Variants in CCDC14 observed in about 807,000 individuals in gnomAD.
The protein encoded by CCDC14 is coiled-coil domain containing 14.
Under a neutral mutation model 81.4 loss-of-function variants are expected in CCDC14, and 71 were observed. The observed-to-expected ratio is 0.87, with a 90% CI of 0.72 to 1.06. CCDC14 has a LOEUF of 1.06. Ranked by LOEUF, CCDC14 falls within the 50% of genes least tolerant of loss-of-function variation. The pLI is 0.00. For synonymous variants in CCDC14, 332 were observed against 364.8 expected, an observed-to-expected ratio of 0.91 and a Z score of 1.03; for missense variants, 1,046 against 1,047.3, an observed-to-expected ratio of 1.00 and a Z score of 0.02.
At chr3:123,908,652 T>C (rs909334981), downstream of CCDC14, among the ~76,000 whole-genome samples, 1 of 152,168 alleles carries the variant, frequency 6.6e-6, no homozygotes, top group African/African-American at 2.4e-5. Flanking sequence ...CTGGGTATGT[T>C]AGGAGTTGAG....
At position 123,915,257 on chromosome 3, in the gene CCDC14, T is replaced by C; in HGVS notation, c.2240A>G (p.Lys747Arg). 1 of 1,613,946 alleles carries C rather than the reference T, an allele frequency of 6.2e-7. No individual in the cohort carries two copies. The highest frequency in any genetic ancestry group is 8.5e-7 in the Non-Finnish European group (1 of 1,179,888). ...STPEKKSPLS[K>R]RLSPQPQIRA... ...TATTTGTGGCTGAGGGGATAGTCTC[T>C]TAGAAAGTGGTGATTTCTTTTCAGG... The change falls in exon 13 of 13, where the codon AAG (lysine) becomes AGG (arginine). Residue 747 changes from lysine to arginine, a missense_variant. Transcript: ENST00000409697.
intron 5 of CCDC14, among the ~76,000 whole-genome samples, chr3:123,907,283 G>C (rs547587188): frequency 6.6e-6 from 1 of 152,232 alleles, no homozygotes; most frequent in East Asian, 1.9e-4. Flanking sequence ...TTAATATTTA[G>C]AGTTTTATGC....
the CCDC14 span, among the ~76,000 whole-genome samples, chr3:123,886,312 TTTG>T: frequency 6.6e-6 from 1 of 151,936 alleles, no homozygotes; most frequent in Non-Finnish European, 1.5e-5. Context: ...CTCTAGTTTT[TTTG>T]TTTTTTCTTT....
At position 123,931,404 on chromosome 3, in the gene CCDC14, C is replaced by T; in HGVS notation, c.1549G>A (p.Glu517Lys). The change falls in exon 11 of 13, where the codon GAA (glutamate) becomes AAA (lysine). Residue 517 changes from glutamate to lysine, a missense_variant. Transcript: ENST00000409697. ...LLKVIENQKD[E>K]NKKFSSIFKD... ...AATATACTACTAAATTTTTTGTTTT[C>T]ATCTTTCTGATTTTCAATCACTTTT... is the stretch of plus-strand genomic sequence containing the variant. 1.3e-6 allele frequency: 2 copies of T among 1,544,280 alleles called. No homozygotes were observed. Among genetic ancestry groups the T allele is most frequent in the South Asian group, 2.4e-5 (2 of 83,688 alleles).
At chr3:123,899,988 AAT>A (rs1253679874) in intron 5 of CCDC14, among the ~76,000 whole-genome samples, 12 of 152,192 alleles carry the variant, frequency 7.9e-5, no homozygotes, top group African/African-American at 2.9e-4. Context: ...TCTGTGCTCC[AAT>A]AACATGTGCC....
intron 12 of CCDC14, among the ~76,000 whole-genome samples, chr3:123,924,077 C>T (rs1057460230): frequency 6.6e-5 from 10 of 150,952 alleles, no homozygotes; most frequent in Non-Finnish European, 1.3e-4. Flanking sequence ...GAAATCAAAA[C>T]GGCATGAACT....
intron 12 of CCDC14, among the ~76,000 whole-genome samples, chr3:123,923,845 A>C (rs1169174475): frequency 6.6e-6 from 1 of 151,690 alleles, no homozygotes; most frequent in Admixed American, 6.6e-5. Flanking sequence ...GGAAGAAATA[A>C]TATTGTTGGA....
intron 12 of CCDC14, among the ~76,000 whole-genome samples, chr3:123,926,090 T>C (rs1337505500): frequency 2.0e-5 from 3 of 152,160 alleles, no homozygotes; most frequent in Non-Finnish European, 2.9e-5. Context: ...AATACTTATA[T>C]TGAAGTTTCT....
Position 123,955,918 on chromosome 3 carries a change from C to T in CCDC14, c.277G>A (p.Glu93Lys), listed in dbSNP as rs1004769096. Residue 93 changes from glutamate (E) to lysine (K), a missense_variant, in exon 5 of 13, where the codon GAA becomes AAA. By Grantham distance (56) the Glu-to-Lys change is moderately conservative (BLOSUM62 1). Transcript: ENST00000409697. Reference sequence around the variant, plus strand: ...TTTTTTGATCCGTATCTTTTGCTTTCTAAAGGTCTAGAATTAGATCTGTTT... The same window carrying T: ...TTTTTTGATCCGTATCTTTTGCTTTTTAAAGGTCTAGAATTAGATCTGTTT... ...LENRSNSRPL[E>K]SKRYGSKKKR... 17 of 1,529,936 alleles carry T rather than the reference C, an allele frequency of 1.1e-5. No homozygotes were observed. The highest frequency in any genetic ancestry group is 1.5e-5 in the Non-Finnish European group (17 of 1,134,238). 94.8% of individuals were successfully genotyped at this position (1,529,936 alleles called of 1,614,324 possible). A position where few individuals can be genotyped will look rare whatever the true frequency, so the allele number is the denominator to read the frequency against.
intron 7 of CCDC14, among the ~76,000 whole-genome samples, chr3:123,947,684 T>A (rs989913301): frequency 2.0e-5 from 3 of 152,188 alleles, no homozygotes; most frequent in Non-Finnish European, 4.4e-5. Context: ...TCTATTTTAG[T>A]CATGGCCTTG....
chr3:123,931,007 T>G, intron 12 of CCDC14, 95 bp downstream of exon 12: 1 of 1,031,840 alleles, frequency 9.7e-7, no homozygotes, highest in Non-Finnish European at 1.4e-6. Context: ...GAGAAAAAGA[T>G]ATGGGGGAGA....
In CCDC14 at chr3:123,913,677, A is replaced by T; in HGVS notation, c.*1102T>A. ...ACGCTGTAGCACTAACACCTAAAAA[A>T]AAAAAAAAAACCACCAAAAAAACAA... On this transcript the variant is annotated 3_prime_UTR_variant, in exon 13 of 13. Transcript: ENST00000409697. 7 of 983,922 alleles carry T rather than the reference A, an allele frequency of 7.1e-6. No individual in the cohort carries two copies. Among genetic ancestry groups the T allele is most frequent in the Non-Finnish European group, 8.4e-6 (7 of 829,046 alleles). 60.9% of individuals were successfully genotyped at this position (983,922 alleles called of 1,614,324 possible).
At chr3:123,956,280 G>T in intron 3 of CCDC14, 75 bp downstream of exon 3, 2 of 1,271,336 alleles carry the variant, frequency 1.6e-6, no homozygotes, top group Non-Finnish European at 2.2e-6. Context: ...TTAATACTTT[G>T]CATTTTATTC....
intron 5 of CCDC14, among the ~76,000 whole-genome samples, chr3:123,952,269 T>C (rs548621907): frequency 5.3e-5 from 8 of 152,266 alleles, no homozygotes; most frequent in Non-Finnish European, 1.0e-4. Context: ...CACTCGAATA[T>C]AGAACAAACA....
intron 3 of CCDC14, 35 bp downstream of exon 3, chr3:123,956,319 AT>A: frequency 1.4e-6 from 2 of 1,425,512 alleles, no homozygotes; most frequent in Non-Finnish European, 1.9e-6. Flanking sequence ...TTGAAAACTA[AT>A]TAAAATAGTG....
At position 123,915,198 on chromosome 3, in the gene CCDC14, C is replaced by T. The variant is rs17853980; in HGVS notation, c.2299G>A (p.Gly767Arg). The stretch of plus-strand genomic sequence containing the variant: ...TTTTCTTTTCCAGAGACAGCAAGTC[C>T]GCTGTTGCTGACTAGCTGTGTTGTA... The part of the protein sequence containing the change: ...AATTQLVSNS[G>R]LAVSGKENKL... The change falls in exon 13 of 13, where the codon GGA becomes AGA. Residue 767 changes from glycine to arginine, a missense_variant. Gly to Arg is a moderately radical substitution (Grantham distance 125, BLOSUM62 -2). Coordinates refer to ENST00000409697, the MANE Select transcript of CCDC14 (RefSeq NM_001366335.1). 6 of 1,613,584 alleles carry T rather than the reference C, an allele frequency of 3.7e-6. No homozygotes were observed. Among genetic ancestry groups the T allele is most frequent in the Non-Finnish European group, 4.2e-6 (5 of 1,179,724 alleles).
chr3:123,915,118 T>A lies in CCDC14; in HGVS notation c.2379A>T (p.Ala793=). The A allele has an allele frequency of 3.1e-6, 5 of 1,613,928 alleles. No individual in the cohort carries two copies. Among genetic ancestry groups the A allele is most frequent in the Non-Finnish European group, 4.2e-6 (5 of 1,179,850 alleles). Residue 793 remains alanine (A), a synonymous_variant, in exon 13 of 13, where the codon GCA becomes GCT. Transcript: ENST00000409697. Reference sequence around the variant, plus strand: ...CAGATGCTCTGGAAAGTTTTTCAGGTGCATCTTCTGCTTCCTTTGTTGAAG... The same window carrying A: ...CAGATGCTCTGGAAAGTTTTTCAGGAGCATCTTCTGCTTCCTTTGTTGAAG... ...CSSSTKEAED[A]PEKLSRASDM...
In CCDC14 at chr3:123,931,336, A is replaced by G. The variant is rs2035695396; in HGVS notation, c.1617T>C (p.Tyr539=). 1 of 1,522,012 alleles carries G rather than the reference A, an allele frequency of 6.6e-7. No homozygotes were observed. The highest frequency in any genetic ancestry group is 2.4e-5 in the East Asian group (1 of 41,308). 94.3% of individuals were successfully genotyped at this position (1,522,012 alleles called of 1,614,324 possible). A position where few individuals can be genotyped will look rare whatever the true frequency, so the allele number is the denominator to read the frequency against. The change falls in exon 11 of 13, where the codon TAT becomes TAC. Residue 539 remains tyrosine, a synonymous_variant. Transcript: ENST00000409697. ...TTTTTATTCTTGTTATCTCAATATC[A>G]TATTGCTGTTTATTTTCAAGTATAG... is the stretch of plus-strand genomic sequence containing the variant. ...DQTILENKQQ[Y]DIEITRIKIE...
chr3:123,930,911 T>C, intron 12 of CCDC14, 191 bp downstream of exon 12: 2 of 537,910 alleles, frequency 3.7e-6, no homozygotes, highest in Non-Finnish European at 6.2e-6. Flanking sequence ...TAAAAAAACA[T>C]TTCGCCAGGT....
Sources: gnomAD v4.1 joint callset for allele counts (sites outside exome capture counted in the v4.1 genomes callset) on GRCh38, gnomAD v4.1.1 for gene constraint, MANE v1.5 for transcripts, NCBI Gene and HGNC (gene_info 2026-07-23, HGNC 2026-07-21) for gene names.